Variants in SGCG observed in about 807,000 individuals in gnomAD.
SGCG encodes the protein sarcoglycan gamma, also known as gamma-sarcoglycan.
Under a neutral mutation model 29.3 loss-of-function variants are expected in SGCG, and 26 were observed. The ratio of observed to expected loss-of-function variants is 0.89; its 90% CI spans 0.65 to 1.23. SGCG has a LOEUF of 1.23. Among genes scored for constraint, SGCG ranks in the 50% most tolerant of loss-of-function variants. The probability of loss-of-function intolerance (pLI) is 0.00; values close to 1 mark genes in which losing one functional copy is unlikely to be tolerated. For missense variants in SGCG, 353 were observed against 356.0 expected, an observed-to-expected ratio of 0.99 and a Z score of 0.07; for synonymous variants, 145 against 129.7, an observed-to-expected ratio of 1.12 and a Z score of -0.80.
At chr13:23,248,493 G>C (rs924339512) in intron 3 of SGCG, among the ~76,000 whole-genome samples, 1 of 149,066 alleles carries the variant, frequency 6.7e-6, no homozygotes, top group Non-Finnish European at 1.5e-5. Flanking sequence ...GAGGTCAGGA[G>C]ATGGAGACCA....
intron 2 of SGCG, among the ~76,000 whole-genome samples, chr13:23,222,092 C>A (rs2137528962): frequency 6.6e-6 from 1 of 152,248 alleles, no homozygotes; most frequent in Admixed American, 6.5e-5. Flanking sequence ...TAGTTTTGGC[C>A]TAGATGTTTC....
At chr13:23,184,978 T>C (rs925218754) in intron 1 of SGCG, among the ~76,000 whole-genome samples, 3 of 152,230 alleles carry the variant, frequency 2.0e-5, no homozygotes, top group Non-Finnish European at 4.4e-5. Flanking sequence ...ATTATTATCC[T>C]TGGCTACAGA....
intron 7 of SGCG, among the ~76,000 whole-genome samples, chr13:23,320,968 C>G (rs1020360260): frequency 6.6e-6 from 1 of 152,124 alleles, no homozygotes; most frequent in South Asian, 2.1e-4. Flanking sequence ...GTATTAGATC[C>G]AGACAGCTTT....
At chr13:23,263,025 A>C (rs998739607) in intron 4 of SGCG, among the ~76,000 whole-genome samples, 9 of 152,084 alleles carry the variant, frequency 5.9e-5, no homozygotes, top group African/African-American at 1.9e-4. Flanking sequence ...GAAAGTTTAT[A>C]GCCCAAATTC....
At chr13:23,213,066 GCTGTCAGTTTTATTACCCTATCT>G (rs1368678853) in intron 2 of SGCG, among the ~76,000 whole-genome samples, 118 of 152,174 alleles carry the variant, frequency 7.8e-4, no homozygotes, top group African/African-American at 2.8e-3. Context: ...TCTGTACGGA[GCTGTCAGTTTTATTACCCTATCT>G]CTGCAGTGGT....
chr13:23,283,087 C>T (rs1042163798), intron 5 of SGCG, among the ~76,000 whole-genome samples: 1 of 152,182 alleles, frequency 6.6e-6, no homozygotes, highest in African/African-American at 2.4e-5. Flanking sequence ...GAAGAATGTA[C>T]ATTCTGTTGA....
chr13:23,227,889 C>T (rs1424606514), intron 2 of SGCG, among the ~76,000 whole-genome samples: 1 of 152,210 alleles, frequency 6.6e-6, no homozygotes, highest in Non-Finnish European at 1.5e-5. Flanking sequence ...CAGCTCACTT[C>T]AGCCTCTTCC....
chr13:23,189,792 A>C (rs1877165621), intron 1 of SGCG, among the ~76,000 whole-genome samples: 1 of 152,170 alleles, frequency 6.6e-6, no homozygotes, highest in African/African-American at 2.4e-5. Context: ...CTTGAACTTA[A>C]GAGTAATTTT....
intron 6 of SGCG, among the ~76,000 whole-genome samples, chr13:23,307,184 A>G (rs1240145584): frequency 2.0e-5 from 3 of 152,180 alleles, no homozygotes; most frequent in Non-Finnish European, 4.4e-5. Context: ...TTTATAGTTC[A>G]CTGACTTCTG....
At chr13:23,185,950 T>C (rs1482996414) in intron 1 of SGCG, among the ~76,000 whole-genome samples, 1 of 152,228 alleles carries the variant, frequency 6.6e-6, no homozygotes, top group Non-Finnish European at 1.5e-5. Flanking sequence ...TTACCTAATT[T>C]GGGAACAGCT....
At chr13:23,292,612 T>C (rs1881758766) in intron 5 of SGCG, among the ~76,000 whole-genome samples, 1 of 152,238 alleles carries the variant, frequency 6.6e-6, no homozygotes, top group Non-Finnish European at 1.5e-5. Context: ...TACAAGGGTA[T>C]GTGTTATAGA....
chr13:23,210,839 A>G (rs958315155), intron 2 of SGCG, among the ~76,000 whole-genome samples: 1 of 152,324 alleles, frequency 6.6e-6, no homozygotes, highest in South Asian at 2.1e-4. Context: ...ATCCTAGCAG[A>G]TATCAGGATC....
At chr13:23,272,600 A>AT (rs1262817873) in intron 4 of SGCG, among the ~76,000 whole-genome samples, 3 of 151,970 alleles carry the variant, frequency 2.0e-5, no homozygotes, top group African/African-American at 4.8e-5. Context: ...AGCTTATAGT[A>AT]TTTTTTTCCT....
chr13:23,218,101 G>A (rs1878500568), intron 2 of SGCG, among the ~76,000 whole-genome samples: 1 of 152,120 alleles, frequency 6.6e-6, no homozygotes, highest in South Asian at 2.1e-4. Flanking sequence ...ATTAATGGAA[G>A]ATGATTTGAG....
At chr13:23,211,264 GA>G (rs1566000860) in intron 2 of SGCG, among the ~76,000 whole-genome samples, 2 of 152,166 alleles carry the variant, frequency 1.3e-5, no homozygotes, top group Admixed American at 1.3e-4. Flanking sequence ...GATCCCTGGG[GA>G]AGGAGGAGAG....
rs149320400 is a variant in SGCG at position 23,295,980 on chromosome 13, G to A, written c.578+493G>A. Among the ~76,000 whole-genome samples, 629 of 151,308 alleles carry A rather than the reference G, an allele frequency of 4.2e-3. 3 individuals are homozygous for A. The highest frequency in any genetic ancestry group is 0.014 in the African/African-American group (596 of 41,454). On this transcript the variant is annotated intron_variant, in intron 6 of 7. Coordinates refer to ENST00000218867, the MANE Select transcript of SGCG (RefSeq NM_000231.3). Reference sequence around the variant, plus strand: ...CCTCTGTGCTTTTGCACTGACTGTTGCATCTCCCTGGGGTGCCCCCCTCCC... The same window carrying A: ...CCTCTGTGCTTTTGCACTGACTGTTACATCTCCCTGGGGTGCCCCCCTCCC...
At chr13:23,219,109 A>G (rs9510628) in intron 2 of SGCG, among the ~76,000 whole-genome samples, 115,169 of 149,572 alleles carry the variant, frequency 0.77, 44,533 homozygotes, top group East Asian at 0.92. Flanking sequence ...GTGCAGTGGC[A>G]CGATCTCAGC....
chr13:23,243,364 C>T (rs1002327481), intron 3 of SGCG, among the ~76,000 whole-genome samples: 3 of 152,134 alleles, frequency 2.0e-5, no homozygotes, highest in Admixed American at 6.5e-5. Flanking sequence ...AGTGCTGGTG[C>T]ATGTGCCTTT....
intron 1 of SGCG, among the ~76,000 whole-genome samples, chr13:23,197,688 A>G (rs1345033155): frequency 6.6e-6 from 1 of 152,164 alleles, no homozygotes; most frequent in Admixed American, 6.5e-5. Flanking sequence ...GTGGAAATAT[A>G]AAGCTAAGTT....
Sources: gnomAD v4.1 joint callset for allele counts (sites outside exome capture counted in the v4.1 genomes callset) on GRCh38, gnomAD v4.1.1 for gene constraint, MANE v1.5 for transcripts, NCBI Gene and HGNC (gene_info 2026-07-23, HGNC 2026-07-21) for gene names.